KIAA0930: variants seen among roughly 807,000 people sequenced by gnomAD.
The protein encoded by KIAA0930 is KIAA0930, also known as uncharacterized protein KIAA0930.
A neutral mutation model predicts 43.9 loss-of-function variants in KIAA0930; 24 were observed. That is an observed-to-expected ratio of 0.55 (90% CI 0.40 to 0.77). The LOEUF is 0.77. Among genes scored for constraint, KIAA0930 ranks in the 30% least tolerant of loss-of-function variants. The probability of loss-of-function intolerance (pLI) is 0.00; values close to 1 mark genes in which losing one functional copy is unlikely to be tolerated. For missense variants in KIAA0930, 461 were observed against 574.2 expected, an observed-to-expected ratio of 0.80 and a Z score of 2.02; for synonymous variants, 259 against 216.4, an observed-to-expected ratio of 1.20 and a Z score of -1.73.
At chr22:45,200,211 G>A in intron 7 of KIAA0930, 176 bp from the exon 8 acceptor site, 2 of 545,102 alleles carry the variant, frequency 3.7e-6, no homozygotes, top group East Asian at 3.4e-5. Flanking sequence ...GAGACTGGAA[G>A]ATGCGTTCCA....
chr22:45,223,314 A>G (rs78417442), intron 1 of KIAA0930, among the ~76,000 whole-genome samples: 3,093 of 152,322 alleles, frequency 0.02, 102 homozygotes, highest in African/African-American at 0.07. Flanking sequence ...GGTTTTTCCT[A>G]TTAAAGCCAA....
intron 1 of KIAA0930, among the ~76,000 whole-genome samples, chr22:45,222,564 C>A (rs2083773630): frequency 6.6e-6 from 1 of 151,990 alleles, no homozygotes; most frequent in Non-Finnish European, 1.5e-5. Context: ...TTGCCTTGGC[C>A]TCCCAAAGTG....
At chr22:45,223,795 C>T (rs1007118847) in intron 1 of KIAA0930, among the ~76,000 whole-genome samples, 2 of 150,664 alleles carry the variant, frequency 1.3e-5, no homozygotes, top group African/African-American at 5.0e-5. Context: ...AGGGTCAGCA[C>T]TGAGACAGCA....
intron 1 of KIAA0930, 82 bp downstream of exon 1, chr22:45,240,558 C>A: frequency 1.0e-6 from 1 of 964,482 alleles, no homozygotes; most frequent in Non-Finnish European, 1.6e-6. Flanking sequence ...ATGCGCGGGG[C>A]GCACAGAAAC....
intron 1 of KIAA0930, among the ~76,000 whole-genome samples, chr22:45,230,455 G>A (rs997963817): frequency 6.6e-6 from 1 of 152,082 alleles, no homozygotes; most frequent in Non-Finnish European, 1.5e-5. Context: ...CATGTGAAAG[G>A]CACCCTCTCT....
Position 45,212,021 on chromosome 22 carries a change from T to A in KIAA0930, c.151A>T (p.Met51Leu). 6 of 1,613,872 alleles carry A rather than the reference T, an allele frequency of 3.7e-6. No homozygotes were observed. The highest frequency in any genetic ancestry group is 5.1e-6 in the Non-Finnish European group (6 of 1,180,012). Residue 51 changes from methionine (M) to leucine (L), a missense_variant, in exon 2 of 10, where the codon ATG becomes TTG. Met to Leu is a conservative substitution (Grantham distance 15). Transcript: ENST00000336156. ...MEKWAPRQDDMLFYVRRKLAY... is the reference protein window; with the variant it reads ...MEKWAPRQDDLLFYVRRKLAY... ...AGCTTCCGGCGCACATAGAAAAGCA[T>A]GTCGTCCTGCCGGGGAGCCCATTTC...
intron 8 of KIAA0930, 59 bp downstream of exon 8, chr22:45,199,814 T>A: frequency 7.3e-7 from 1 of 1,376,032 alleles, no homozygotes. Flanking sequence ...GAATGACTGG[T>A]CTGGATCAAG....
At chr22:45,225,792 G>A (rs530203838) in intron 1 of KIAA0930, among the ~76,000 whole-genome samples, 7 of 152,326 alleles carry the variant, frequency 4.6e-5, no homozygotes, top group African/African-American at 4.8e-5. Flanking sequence ...CCGTGCCCAC[G>A]TGCACCTGAC....
At chr22:45,206,510 G>A (rs759538902) in intron 2 of KIAA0930, among the ~76,000 whole-genome samples, 4 of 152,196 alleles carry the variant, frequency 2.6e-5, no homozygotes, top group Admixed American at 6.5e-5. Context: ...CACCTACTGA[G>A]CTCTTAGTGG....
At chr22:45,202,192 T>C in intron 7 of KIAA0930, among the ~76,000 whole-genome samples, 1 of 152,254 alleles carries the variant, frequency 6.6e-6, no homozygotes, top group East Asian at 1.9e-4. Context: ...AGCACACCTG[T>C]ACTCTTCCAA....
intron 1 of KIAA0930, among the ~76,000 whole-genome samples, chr22:45,228,196 C>T (rs1049343959): frequency 1.3e-5 from 2 of 152,122 alleles, no homozygotes; most frequent in African/African-American, 4.8e-5. Flanking sequence ...GTCTTGCTTC[C>T]TTCACTTCTG....
At chr22:45,215,083 T>C (rs902866749) in intron 1 of KIAA0930, among the ~76,000 whole-genome samples, 1 of 152,042 alleles carries the variant, frequency 6.6e-6, no homozygotes, top group Non-Finnish European at 1.5e-5. Context: ...GTGGGTGTGG[T>C]GGTGCTCACC....
At chr22:45,237,536 G>A (rs772956756) in intron 1 of KIAA0930, among the ~76,000 whole-genome samples, 2 of 152,234 alleles carry the variant, frequency 1.3e-5, no homozygotes, top group Non-Finnish European at 2.9e-5. Context: ...GACAGACACT[G>A]ACTCAGAGAA....
chr22:45,233,713 T>C (rs974509902), intron 1 of KIAA0930, among the ~76,000 whole-genome samples: 4 of 152,054 alleles, frequency 2.6e-5, no homozygotes, highest in South Asian at 2.1e-4. Flanking sequence ...TCTGCCCTCT[T>C]AGGAAGCTGA....
chr22:45,209,146 C>T (rs2083668880), intron 2 of KIAA0930, among the ~76,000 whole-genome samples: 1 of 152,228 alleles, frequency 6.6e-6, no homozygotes, highest in Admixed American at 6.5e-5. Flanking sequence ...AGCTCCTGCC[C>T]ATCCACGCTC....
intron 2 of KIAA0930, among the ~76,000 whole-genome samples, chr22:45,208,649 C>T (rs549822576): frequency 1.3e-4 from 20 of 152,332 alleles, no homozygotes; most frequent in Admixed American, 1.2e-3. Flanking sequence ...TCTCATCACA[C>T]TCTGTATCTG....
chr22:45,229,289 T>C (rs78371289), intron 1 of KIAA0930, among the ~76,000 whole-genome samples: 11 of 898 alleles, frequency 0.012, no homozygotes, highest in Non-Finnish European at 0.019. Flanking sequence ...ACCCCCGCCA[T>C]CACCACTCAC....
chr22:45,234,351 G>C (rs2083873253), intron 1 of KIAA0930, among the ~76,000 whole-genome samples: 1 of 152,136 alleles, frequency 6.6e-6, no homozygotes, highest in African/African-American at 2.4e-5. Flanking sequence ...CAGGGGGAGA[G>C]CTCTCAGGTA....
chr22:45,232,930 G>T (rs149974150), intron 1 of KIAA0930, among the ~76,000 whole-genome samples: 42 of 152,274 alleles, frequency 2.8e-4, no homozygotes, highest in African/African-American at 8.7e-4. Context: ...AAGGGACCCC[G>T]TGGAGTGTTA....
Sources: allele counts gnomAD v4.1 joint callset (sites outside exome capture counted in the v4.1 genomes callset), GRCh38; gene constraint gnomAD v4.1.1; transcripts MANE v1.5; gene names NCBI Gene and HGNC (gene_info 2026-07-23, HGNC 2026-07-21).